The following MYO6 variants were observed in gnomAD, a reference collection of about 807,000 sequenced individuals.
The protein encoded by MYO6 is unconventional myosin-VI.
Under a neutral mutation model 178.7 loss-of-function variants are expected in MYO6, and 74 were observed. That is an observed-to-expected ratio of 0.41 (90% CI 0.34 to 0.50). MYO6 has a LOEUF of 0.50. Among genes scored for constraint, MYO6 ranks in the 20% least tolerant of loss-of-function variants. The pLI is 0.09. For synonymous variants in MYO6, 477 were observed against 504.6 expected, an observed-to-expected ratio of 0.95 and a Z score of 0.73; for missense variants, 1,330 against 1,547.4, an observed-to-expected ratio of 0.86 and a Z score of 2.36.
chr6:75,840,440 C>T (rs951324508), intron 7 of MYO6, 145 bp from the exon 8 acceptor site: 10 of 663,964 alleles, frequency 1.5e-5, no homozygotes, highest in African/African-American at 1.1e-4. Context: ...GGATTACAGG[C>T]ATGAGCCACT....
chr6:75,785,199 T>C (rs1203948170), intron 1 of MYO6, among the ~76,000 whole-genome samples: 1 of 152,206 alleles, frequency 6.6e-6, no homozygotes, highest in Non-Finnish European at 1.5e-5. Context: ...GGAATGAATT[T>C]AGTATAATGT....
chr6:75,805,004 T>C (rs142966890), intron 1 of MYO6, among the ~76,000 whole-genome samples: 1,383 of 55,442 alleles, frequency 0.025, 33 homozygotes, highest in African/African-American at 0.14. Flanking sequence ...CACACACACA[T>C]ATATATATAT....
chr6:75,840,159 A>ATTTTTTTT, intron 7 of MYO6, among the ~76,000 whole-genome samples: 1 of 131,884 alleles, frequency 7.6e-6, no homozygotes, highest in African/African-American at 2.8e-5. Context: ...CTTCATGTTA[A>ATTTTTTTT]TTTTTTTTTT....
intron 20 of MYO6, among the ~76,000 whole-genome samples, chr6:75,877,586 T>C (rs1777664899): frequency 6.6e-6 from 1 of 151,984 alleles, no homozygotes; most frequent in Non-Finnish European, 1.5e-5. Flanking sequence ...TATCTTCTGA[T>C]TGGCAAATAC....
chr6:75,901,114 G>C (rs1311350613), intron 30 of MYO6, among the ~76,000 whole-genome samples: 1 of 152,120 alleles, frequency 6.6e-6, no homozygotes, highest in Non-Finnish European at 1.5e-5. Flanking sequence ...GGTACCAGTA[G>C]CATGCTGTTA....
At chr6:75,812,014 G>GT (rs1770742546) in intron 1 of MYO6, among the ~76,000 whole-genome samples, 1 of 151,434 alleles carries the variant, frequency 6.6e-6, no homozygotes, top group South Asian at 2.1e-4. Context: ...TTTTTTTTCT[G>GT]TTTTTTGTTT....
intron 1 of MYO6, among the ~76,000 whole-genome samples, chr6:75,784,931 G>A (rs1767384766): frequency 6.6e-6 from 1 of 152,122 alleles, no homozygotes; most frequent in Non-Finnish European, 1.5e-5. Context: ...TTGGTGGGGG[G>A]CAGTGTAATA....
chr6:75,778,301 T>TA (rs568277986), intron 1 of MYO6, among the ~76,000 whole-genome samples: 19 of 152,310 alleles, frequency 1.2e-4, no homozygotes, highest in African/African-American at 4.3e-4. Flanking sequence ...TAAATAGTTC[T>TA]AAAAAATTTC....
chr6:75,782,747 G>A (rs1175548642), intron 1 of MYO6, among the ~76,000 whole-genome samples: 2 of 151,456 alleles, frequency 1.3e-5, no homozygotes, highest in East Asian at 1.9e-4. Flanking sequence ...ATCTATTATT[G>A]CTGTGCATAC....
chr6:75,769,469 AC>A (rs1778727260), intron 1 of MYO6, among the ~76,000 whole-genome samples: 1 of 152,166 alleles, frequency 6.6e-6, no homozygotes, highest in Non-Finnish European at 1.5e-5. Context: ...GGTCCCTGAA[AC>A]CCAACAGGGC....
chr6:75,911,747 ATACTT>A (rs1262452655), intron 33 of MYO6, 49 bp downstream of exon 33: 3 of 1,553,308 alleles, frequency 1.9e-6, no homozygotes, highest in East Asian at 2.2e-5. Context: ...ATGGGTTAAA[ATACTT>A]TACAAAGTAC....
intron 16 of MYO6, among the ~76,000 whole-genome samples, chr6:75,864,428 T>C (rs3778007): frequency 0.41 from 63,024 of 152,064 alleles, 13,648 homozygotes; most frequent in Middle Eastern, 0.54. Flanking sequence ...TAATGTGGAA[T>C]CTATTTCTGT....
chr6:75,802,223 T>C (rs998307360), intron 1 of MYO6, among the ~76,000 whole-genome samples: 1 of 151,422 alleles, frequency 6.6e-6, no homozygotes, highest in Non-Finnish European at 1.5e-5. Context: ...AATCCCAGCA[T>C]TTTGGGAGGC....
chr6:75,901,323 G>C (rs1779757915), intron 30 of MYO6, among the ~76,000 whole-genome samples: 1 of 152,136 alleles, frequency 6.6e-6, no homozygotes, highest in Admixed American at 6.5e-5. Context: ...ATTACCTTGG[G>C]CAATATGGCC....
Position 75,903,119 on chromosome 6 carries a change from A to G in MYO6, c.3177-4486A>G, listed in dbSNP as rs1385342138. ...TTTGTTATAATTTCTCTTCCTTTAC[A>G]TTTGCTGAGGAGAGCCTTACTTCCA... On this transcript the variant is annotated intron_variant, in intron 30 of 34. Coordinates refer to ENST00000369977, the MANE Select transcript of MYO6 (RefSeq NM_004999.4). Among the ~76,000 whole-genome samples, 3 of 151,886 alleles carry G rather than the reference A, an allele frequency of 2.0e-5. No homozygotes were observed. In the East Asian group the frequency reaches 5.8e-4, roughly 29 times the overall value.
intron 12 of MYO6, among the ~76,000 whole-genome samples, chr6:75,856,873 A>AT (rs34924603): frequency 4.6e-5 from 7 of 151,960 alleles, no homozygotes; most frequent in Admixed American, 6.6e-5. Flanking sequence ...TTTAAGCCTA[A>AT]TTTTTTTTAC....
chr6:75,901,227 G>A (rs1222993317), intron 30 of MYO6, among the ~76,000 whole-genome samples: 3 of 151,946 alleles, frequency 2.0e-5, no homozygotes, highest in Non-Finnish European at 4.4e-5. Context: ...GCTCTTTTAT[G>A]GTTCCATATG....
At chr6:75,854,275 CTTTTTTTTTTTT>C (rs61398235) in intron 11 of MYO6, among the ~76,000 whole-genome samples, 5 of 45,498 alleles carry the variant, frequency 1.1e-4, no homozygotes, top group East Asian at 5.7e-4. Flanking sequence ...AACTGCATTG[CTTTTTTTTTTTT>C]TTTTTTTTTT....
chr6:75,834,219 T>G (rs1173226620), intron 6 of MYO6, among the ~76,000 whole-genome samples: 2 of 152,086 alleles, frequency 1.3e-5, no homozygotes, highest in Non-Finnish European at 2.9e-5. Context: ...TGTTTGTTTG[T>G]TTGGTTTGGT....
Sources: allele counts gnomAD v4.1 joint callset (sites outside exome capture counted in the v4.1 genomes callset), GRCh38; gene constraint gnomAD v4.1.1; transcripts MANE v1.5; gene names NCBI Gene and HGNC (gene_info 2026-07-23, HGNC 2026-07-21).